Variants in PDE4D observed in about 807,000 individuals in gnomAD.
The protein encoded by PDE4D is 3',5'-cyclic-AMP phosphodiesterase 4D.
In PDE4D, 24 loss-of-function variants were observed where a neutral mutation model predicts 87.4. That is an observed-to-expected ratio of 0.27 (90% confidence interval 0.20 to 0.39). The LOEUF is 0.39. Among genes scored for constraint, PDE4D ranks in the 10% least tolerant of loss-of-function variants. PDE4D has a pLI of 1.00. For synonymous variants in PDE4D, 384 were observed against 383.2 expected, an observed-to-expected ratio of 1.00 and a Z score of -0.02; for missense variants, 714 against 1,041.0, an observed-to-expected ratio of 0.69 and a Z score of 4.32.
chr5:59,175,078 G>C (rs1182635149), intron 5 of PDE4D, among the ~76,000 whole-genome samples: 1 of 152,146 alleles, frequency 6.6e-6, no homozygotes, highest in African/African-American at 2.4e-5. Context: ...TACAAGGAAG[G>C]ACTGTGCTCC....
intron 1 of PDE4D, among the ~76,000 whole-genome samples, chr5:60,313,754 G>C (rs971074948): frequency 6.6e-6 from 1 of 152,096 alleles, no homozygotes; most frequent in Non-Finnish European, 1.5e-5. Flanking sequence ...TGATTAAGTA[G>C]ACTTTATCCC....
At chr5:59,835,357 C>A (rs2152702132) in intron 1 of PDE4D, among the ~76,000 whole-genome samples, 1 of 152,116 alleles carries the variant, frequency 6.6e-6, no homozygotes, top group East Asian at 2.0e-4. Flanking sequence ...CCTATCATCC[C>A]TCAGGCAAAT....
Position 59,525,047 on chromosome 5 carries a change from C to T in PDE4D, c.456-309079G>A, listed in dbSNP as rs528185613. On this transcript the variant is annotated intron_variant, in intron 1 of 14. Coordinates refer to ENST00000340635, the MANE Select transcript of PDE4D (RefSeq NM_001104631.2). ...GTAGGAAAATGTGGGGTGCAAGCTC[C>T]CACACAGAATTCCCACTGGGGCACT... 3.3e-5 allele frequency among the ~76,000 whole-genome samples: 5 copies of T among 152,328 alleles called. No homozygotes were observed. In the South Asian group the frequency reaches 1.0e-3, roughly 32 times the overall value.
chr5:59,716,477 T>A (rs1201704393), intron 1 of PDE4D, among the ~76,000 whole-genome samples: 2 of 152,174 alleles, frequency 1.3e-5, no homozygotes, highest in African/African-American at 2.4e-5. Context: ...GTAACCCTCA[T>A]ACACCGATTG....
chr5:58,996,288 A>T (rs937164983), intron 6 of PDE4D, among the ~76,000 whole-genome samples: 7 of 152,138 alleles, frequency 4.6e-5, no homozygotes, highest in African/African-American at 1.2e-4. Flanking sequence ...TATAATAATT[A>T]AAAAAAATTT....
chr5:59,460,898 C>T (rs1800678937), intron 1 of PDE4D, among the ~76,000 whole-genome samples: 1 of 152,178 alleles, frequency 6.6e-6, no homozygotes, highest in South Asian at 2.1e-4. Context: ...CTAGCCAACA[C>T]TTGATTAGTA....
intron 1 of PDE4D, among the ~76,000 whole-genome samples, chr5:59,815,636 G>A (rs1768891887): frequency 6.6e-6 from 1 of 152,212 alleles, no homozygotes; most frequent in African/African-American, 2.4e-5. Context: ...TTGTTAGCTA[G>A]TGTTCCTGGT....
chr5:60,177,308 G>A (rs999239963), intron 2 of PDE4D, among the ~76,000 whole-genome samples: 1 of 152,092 alleles, frequency 6.6e-6, no homozygotes, highest in Admixed American at 6.6e-5. Flanking sequence ...GGTCAAAGCT[G>A]CTGTCATTGG....
At chr5:58,998,329 C>G (rs900602540) in intron 6 of PDE4D, among the ~76,000 whole-genome samples, 1 of 151,868 alleles carries the variant, frequency 6.6e-6, no homozygotes, top group Non-Finnish European at 1.5e-5. Context: ...AATGTGAAGC[C>G]CTTCAAAAAT....
chr5:60,377,135 G>A (rs1454914888), intron 1 of PDE4D, among the ~76,000 whole-genome samples: 2 of 152,174 alleles, frequency 1.3e-5, no homozygotes, highest in African/African-American at 4.8e-5. Context: ...TGAGCTCACT[G>A]TGCTTCTCGC....
In PDE4D at chr5:60,322,396, AC is replaced by A. The variant is rs1296469054; in HGVS notation, c.-89-136710del. Reference sequence around the variant, plus strand: ...CACACACACACACACACACACACACACACACACACACACACACACAAAACCC... The same window carrying A: ...CACACACACACACACACACACACACAACACACACACACACACACAAAACCC... On this transcript the variant is annotated intron_variant, in intron 1 of 16. Coordinates refer to the PDE4D transcript ENST00000502484. Among the ~76,000 whole-genome samples, 429 of 150,890 alleles carry A rather than the reference AC, an allele frequency of 2.8e-3. 2 individuals are homozygous for A. Among genetic ancestry groups the A allele is most frequent in the East Asian group, 0.021 (108 of 5,116 alleles).
intron 2 of PDE4D, among the ~76,000 whole-genome samples, chr5:59,210,834 A>G (rs1754719264): frequency 6.6e-6 from 1 of 152,154 alleles, no homozygotes; most frequent in African/African-American, 2.4e-5. Flanking sequence ...TATTTCTTAA[A>G]ACTTAAGTAG....
chr5:59,108,967 G>GTGTA, intron 5 of PDE4D, among the ~76,000 whole-genome samples: 1 of 147,380 alleles, frequency 6.8e-6, no homozygotes, highest in Non-Finnish European at 1.5e-5. Flanking sequence ...GTGTGTGTGT[G>GTGTA]TGTGTGTGTG....
At chr5:60,288,160 C>T (rs1752583503) in intron 1 of PDE4D, among the ~76,000 whole-genome samples, 1 of 152,228 alleles carries the variant, frequency 6.6e-6, no homozygotes, top group African/African-American at 2.4e-5. Flanking sequence ...AGACTAACTA[C>T]TCCAAGCATT....
intron 2 of PDE4D, among the ~76,000 whole-genome samples, chr5:60,085,385 G>A (rs959370796): frequency 6.6e-6 from 1 of 152,138 alleles, no homozygotes; most frequent in Non-Finnish European, 1.5e-5. Flanking sequence ...TTCTTGCGAA[G>A]CCCCTCTCTT....
At chr5:59,396,458 C>A in intron 1 of PDE4D, among the ~76,000 whole-genome samples, 1 of 95,806 alleles carries the variant, frequency 1.0e-5, no homozygotes, top group Non-Finnish European at 2.1e-5. Flanking sequence ...ATTCTCAACC[C>A]AGAATTTCAT....
intron 5 of PDE4D, among the ~76,000 whole-genome samples, chr5:59,093,186 G>A (rs1204477826): frequency 6.6e-6 from 1 of 152,282 alleles, no homozygotes; most frequent in East Asian, 1.9e-4. Context: ...GTGTTCTCCC[G>A]AATCCAGAAA....
chr5:59,170,831 C>T (rs2153472410), intron 5 of PDE4D, among the ~76,000 whole-genome samples: 2 of 151,366 alleles, frequency 1.3e-5, no homozygotes, highest in South Asian at 4.2e-4. Context: ...GTTTTTAACC[C>T]TTTATGCACA....
intron 2 of PDE4D, among the ~76,000 whole-genome samples, chr5:60,001,886 A>AAC (rs1168612429): frequency 6.6e-6 from 1 of 150,600 alleles, no homozygotes; most frequent in Non-Finnish European, 1.5e-5. Context: ...TACAAAGGAA[A>AAC]AAAAAAAAAA....
Sources: allele counts gnomAD v4.1 joint callset (sites outside exome capture counted in the v4.1 genomes callset), GRCh38; gene constraint gnomAD v4.1.1; transcripts MANE v1.5; gene names NCBI Gene and HGNC (gene_info 2026-07-23, HGNC 2026-07-21).